Variants in CWC25 observed in about 807,000 individuals in gnomAD.
CWC25 encodes pre-mRNA-splicing factor CWC25 homolog.
A neutral mutation model predicts 54.6 loss-of-function variants in CWC25; 31 were observed. The observed-to-expected ratio is 0.57, with a 90% CI of 0.43 to 0.77. The LOEUF is 0.77. Ranked by LOEUF, CWC25 falls within the 30% of genes least tolerant of loss-of-function variation. CWC25 has a pLI of 0.00. For synonymous variants in CWC25, 151 were observed against 187.0 expected (o/e 0.81, Z 1.57); for missense variants, 453 against 529.3 (o/e 0.86, Z 1.41).
At chr17:38,814,382 G>A (rs2030358203) in intron 3 of CWC25, among the ~76,000 whole-genome samples, 1 of 150,422 alleles carries the variant, frequency 6.6e-6, no homozygotes, top group African/African-American at 2.4e-5. Flanking sequence ...CTCAGTTCAC[G>A]CCATTCTCCT....
Position 38,806,905 on chromosome 17 carries a change from C to A in CWC25, c.762G>T (p.Met254Ile). 6.2e-7 allele frequency: 1 copy of A among 1,613,986 alleles called. No individual in the cohort carries two copies. The highest frequency in any genetic ancestry group is 8.5e-7 in the Non-Finnish European group (1 of 1,179,880). Residue 254 changes from methionine (M) to isoleucine (I), a missense_variant, in exon 7 of 10, where the codon ATG becomes ATT. By Grantham distance (10) the Met-to-Ile change is conservative. This residue lies in a region of CWC25 where 444 missense variants were observed against 499.2 expected (regional missense o/e 0.89). Transcript: ENST00000614790. ...LTAEQKRGHG[M>I]KNHSRSRSSS... ...AGCTTCTGGATCTGGAATGGTTCTT[C>A]ATCCCATGCCCTCTCTTTTGCTCTG... is the stretch of plus-strand genomic sequence containing the variant.
Position 38,809,785 on chromosome 17 carries a change from A to G in CWC25, c.627-20T>C. 1 of 1,609,174 alleles carries G rather than the reference A, an allele frequency of 6.2e-7. No individual in the cohort carries two copies. Among genetic ancestry groups the G allele is most frequent in the Non-Finnish European group, 8.5e-7 (1 of 1,176,388 alleles). On this transcript the variant is annotated intron_variant, in intron 5 of 9. Coordinates refer to ENST00000614790, the MANE Select transcript of CWC25 (RefSeq NM_017748.5). ...TGTGATCTAAGAGATCAAAATACAC[A>G]CACTCATTGAAAAAGAAAATATATA...
At chr17:38,803,584 C>T (rs758416110) in intron 8 of CWC25, among the ~76,000 whole-genome samples, 3 of 151,828 alleles carry the variant, frequency 2.0e-5, no homozygotes, top group East Asian at 1.9e-4. Context: ...GAGCCAAGAT[C>T]GCACCACTGC....
intron 2 of CWC25, chr17:38,815,743 T>A (rs1180547747): frequency 3.4e-6 from 4 of 1,192,984 alleles, no homozygotes; most frequent in Admixed American, 2.7e-5. Flanking sequence ...CAAGATGACC[T>A]AAAACAATGA....
rs199949409 is a variant in CWC25 at position 38,814,851 on chromosome 17, C to A, written c.428+10G>T. The A allele has an allele frequency of 2.8e-4, 447 of 1,605,100 alleles. No homozygotes were observed. The highest frequency in any genetic ancestry group is 2.9e-4 in the Non-Finnish European group (338 of 1,172,998). ...TGTAACAAACCCCCTTCCTAGCCCCCCATTAGTACCTGATGATGAAGAGTG... is the reference window on the plus strand; with the variant it reads ...TGTAACAAACCCCCTTCCTAGCCCCACATTAGTACCTGATGATGAAGAGTG... On this transcript the variant is annotated intron_variant, in intron 3 of 9. Transcript: ENST00000614790.
Position 38,801,896 on chromosome 17 carries a change from C to A in CWC25, c.*196G>T, listed in dbSNP as rs1222073268. On this transcript the variant is annotated 3_prime_UTR_variant, in exon 10 of 10. Coordinates refer to ENST00000614790, the MANE Select transcript of CWC25 (RefSeq NM_017748.5). Reference sequence around the variant, plus strand: ...GTTAAAGAGTCAAAACCCAAAGTTACTGAGTGTCCCACAAAGCAAGTCACA... The same window carrying A: ...GTTAAAGAGTCAAAACCCAAAGTTAATGAGTGTCCCACAAAGCAAGTCACA... The A allele has an allele frequency of 2.2e-6, 1 of 456,444 alleles. No homozygotes were observed. Among genetic ancestry groups the A allele is most frequent in the African/African-American group, 2.0e-5 (1 of 50,062 alleles). The allele number at this position is 456,444 out of a possible 1,614,324, so 28.3% of individuals were successfully genotyped here.
chr17:38,822,023 C>T (rs1911947491), intron 1 of CWC25, among the ~76,000 whole-genome samples: 1 of 151,972 alleles, frequency 6.6e-6, no homozygotes, highest in Non-Finnish European at 1.5e-5. Flanking sequence ...CCGCAGTGGC[C>T]TCCCAAACTG....
chr17:38,823,570 G>A (rs931396706), intron 1 of CWC25, among the ~76,000 whole-genome samples: 1 of 151,876 alleles, frequency 6.6e-6, no homozygotes, highest in African/African-American at 2.4e-5. Context: ...GAAAATGTTC[G>A]GTCAATGAGA....
intron 2 of CWC25, among the ~76,000 whole-genome samples, chr17:38,817,355 A>G (rs1029654381): frequency 6.6e-6 from 1 of 151,104 alleles, no homozygotes; most frequent in Non-Finnish European, 1.5e-5. Flanking sequence ...AAAAAAAATA[A>G]GAATTGATCA....
At chr17:38,804,794 C>A in intron 8 of CWC25, among the ~76,000 whole-genome samples, 2 of 86,114 alleles carry the variant, frequency 2.3e-5, no homozygotes, top group Non-Finnish European at 2.0e-5. Context: ...GGCGACAGAG[C>A]GAGACAAAAA....
At chr17:38,808,518 C>T (rs61265082) in intron 6 of CWC25, among the ~76,000 whole-genome samples, 2,369 of 141,122 alleles carry the variant, frequency 0.017, 350 homozygotes, top group African/African-American at 0.058. Flanking sequence ...TGGTGGCTCA[C>T]GCCTATAATC....
At chr17:38,819,918 C>T (rs962111408) in intron 2 of CWC25, among the ~76,000 whole-genome samples, 4 of 152,110 alleles carry the variant, frequency 2.6e-5, no homozygotes, top group South Asian at 4.2e-4. Context: ...GTGATCTGCC[C>T]GCCTCGGCCT....
At position 38,806,974 on chromosome 17, in the gene CWC25, G is replaced by A; in HGVS notation, c.693C>T (p.Val231=). 6.2e-7 allele frequency: 1 copy of A among 1,606,162 alleles called. No homozygotes were observed. Residue 231 remains valine, a splice_region_variant and synonymous_variant, in exon 7 of 10, where the codon GTC becomes GTT. Transcript: ENST00000614790. ...LSKVPGYGLQ[V]RNSDRNQGLQ... ...GACCCTGGTTACGGTCAGAGTTCCGGACCTACATCATTAAGGAAAAGAGAA... is the reference window on the plus strand; with the variant it reads ...GACCCTGGTTACGGTCAGAGTTCCGAACCTACATCATTAAGGAAAAGAGAA...
chr17:38,825,044 G>A, intron 1 of CWC25, 122 bp downstream of exon 1: 1 of 897,300 alleles, frequency 1.1e-6, no homozygotes, highest in South Asian at 1.9e-5. Flanking sequence ...CAGGGCAACG[G>A]CCTCCTCCCG....
rs1293845963 is a variant in CWC25 at position 38,800,566 on chromosome 17, G to A, written c.*1526C>T. 6.6e-6 allele frequency: 1 copy of A among 152,160 alleles called. No individual in the cohort carries two copies. Among genetic ancestry groups the A allele is most frequent in the Non-Finnish European group, 1.5e-5 (1 of 68,026 alleles). 9.4% of individuals were successfully genotyped at this position (152,160 alleles called of 1,614,324 possible). On this transcript the variant is annotated 3_prime_UTR_variant, in exon 10 of 10. Transcript: ENST00000614790. Reference sequence around the variant, plus strand: ...GTTACATTCTCTAGGGAAAGATCGGGTTTCAAGCATTACAGTGCCTGGCAT... The same window carrying A: ...GTTACATTCTCTAGGGAAAGATCGGATTTCAAGCATTACAGTGCCTGGCAT...
Position 38,809,737 on chromosome 17 carries a change from G to C in CWC25, c.655C>G (p.Pro219Ala). The C allele has an allele frequency of 6.2e-7, 1 of 1,613,698 alleles. No homozygotes were observed. Among genetic ancestry groups the C allele is most frequent in the South Asian group, 1.1e-5 (1 of 91,048 alleles). Residue 219 changes from proline to alanine, a missense_variant, in exon 6 of 10, where the codon CCT becomes GCT. Physicochemically the swap from Pro to Ala is conservative, Grantham distance 27 (BLOSUM62 -1). Around this residue, in one of 2 missense-constraint regions of CWC25, gnomAD observed 444 missense variants for 499.2 expected, o/e 0.89. Transcript: ENST00000614790. ...TATCCAGGGACTTTGGACAAAACAG[G>C]GGAGGAATTTGCCATCTTCTTCTGT... ...RSQKKMANSS[P>A]VLSKVPGYGL...
chr17:38,816,972 G>A (rs559532034), intron 2 of CWC25, among the ~76,000 whole-genome samples: 15 of 148,434 alleles, frequency 1.0e-4, no homozygotes, highest in East Asian at 4.0e-4. Flanking sequence ...GTGAGCAACC[G>A]TGCCTGGCCC....
At chr17:38,816,378 T>C (rs1465307358) in intron 2 of CWC25, among the ~76,000 whole-genome samples, 2 of 152,066 alleles carry the variant, frequency 1.3e-5, no homozygotes, top group African/African-American at 4.8e-5. Context: ...CCCAAGTAGC[T>C]GGGACTACAG....
chr17:38,803,427 C>T (rs1288231472), intron 8 of CWC25, among the ~76,000 whole-genome samples: 4 of 151,964 alleles, frequency 2.6e-5, no homozygotes, highest in African/African-American at 4.8e-5. Flanking sequence ...GTCAGGAGTT[C>T]GAGACCAGCC....
Sources: gnomAD v4.1 joint callset for allele counts (sites outside exome capture counted in the v4.1 genomes callset) on GRCh38, gnomAD v4.1.1 for gene constraint, gnomAD v4.1.1 regional missense constraint, MANE v1.5 for transcripts, NCBI Gene and HGNC (gene_info 2026-07-23, HGNC 2026-07-21) for gene names.